The following PCDHAC1 variants were observed in gnomAD, a reference collection of about 807,000 sequenced individuals.
The protein encoded by PCDHAC1 is protocadherin alpha-C1.
Under a neutral mutation model 60.0 loss-of-function variants are expected in PCDHAC1, and 42 were observed. The ratio of observed to expected loss-of-function variants is 0.70; its 90% CI spans 0.55 to 0.90. PCDHAC1 has a LOEUF of 0.90. Among genes scored for constraint, PCDHAC1 ranks in the 40% least tolerant of loss-of-function variants. The pLI is 0.00. For missense variants in PCDHAC1, 1,160 were observed against 1,222.3 expected (o/e 0.95, Z 0.76); for synonymous variants, 468 against 499.3 (o/e 0.94, Z 0.84).
intron 1 of PCDHAC1, chr5:140,967,662 A>G: frequency 6.2e-7 from 1 of 1,614,192 alleles, no homozygotes; most frequent in Non-Finnish European, 8.5e-7. Context: ...TTGAGCAGCT[A>G]CACGTCGGAC....
intron 1 of PCDHAC1, among the ~76,000 whole-genome samples, chr5:140,942,621 A>T (rs1038877515): frequency 1.5e-3 from 44 of 29,368 alleles, no homozygotes; most frequent in African/African-American, 6.9e-3. Flanking sequence ...GCCAATTGTA[A>T]AAAAAAAAAT....
chr5:140,952,041 T>C (rs1202542852), intron 1 of PCDHAC1, among the ~76,000 whole-genome samples: 1 of 152,108 alleles, frequency 6.6e-6, no homozygotes, highest in African/African-American at 2.4e-5. Flanking sequence ...AGTAGGGCAG[T>C]TATTAAATCT....
At chr5:141,003,750 A>T (rs868985181) in intron 3 of PCDHAC1, among the ~76,000 whole-genome samples, 3 of 152,226 alleles carry the variant, frequency 2.0e-5, no homozygotes, top group African/African-American at 7.2e-5. Flanking sequence ...CATATTTTGT[A>T]TAATTATGGT....
At chr5:140,960,065 C>G (rs953730101) in intron 1 of PCDHAC1, among the ~76,000 whole-genome samples, 1 of 152,120 alleles carries the variant, frequency 6.6e-6, no homozygotes, top group Non-Finnish European at 1.5e-5. Flanking sequence ...ACAGAAGATT[C>G]AATTGAAGTT....
intron 1 of PCDHAC1, chr5:140,967,251 C>T: frequency 6.2e-7 from 1 of 1,613,408 alleles, no homozygotes; most frequent in Non-Finnish European, 8.5e-7. Context: ...GAATCGGTGG[C>T]GCCTGGAGCG....
chr5:140,953,279 A>T (rs2153698724), intron 1 of PCDHAC1, among the ~76,000 whole-genome samples: 1 of 152,188 alleles, frequency 6.6e-6, no homozygotes, highest in Non-Finnish European at 1.5e-5. Context: ...TTTGCTCTTT[A>T]TATGTGATTC....
intron 3 of PCDHAC1, among the ~76,000 whole-genome samples, chr5:140,994,539 CA>C (rs35651294): frequency 0.48 from 72,467 of 151,372 alleles, 18,531 homozygotes; most frequent in African/African-American, 0.67. Flanking sequence ...CCCATCTCTA[CA>C]AAAAAAATAT....
At chr5:140,967,086 G>C in intron 1 of PCDHAC1, 3 of 1,613,210 alleles carry the variant, frequency 1.9e-6, no homozygotes, top group Non-Finnish European at 2.5e-6. Context: ...CGCATTGATC[G>C]GGAGGCGCTG....
chr5:140,966,909 T>C, intron 1 of PCDHAC1: 1 of 1,601,466 alleles, frequency 6.2e-7, no homozygotes, highest in Non-Finnish European at 8.5e-7. Context: ...CGATACTCTG[T>C]GCCAGAGGAG....
chr5:141,010,201 C>G lies in PCDHAC1; in HGVS notation c.*264C>G, dbSNP rs782495760. On this transcript the variant is annotated 3_prime_UTR_variant, in exon 4 of 4. Coordinates refer to ENST00000253807, the MANE Select transcript of PCDHAC1 (RefSeq NM_018898.5). ...GCAGACCCAAGTTTCCTTTCTCCTC[C>G]GCCGCAAAGGAGAGGCTTCCCAGCC... 9.0e-6 allele frequency: 14 copies of G among 1,551,916 alleles called. No homozygotes were observed. Among genetic ancestry groups the G allele is most frequent in the Non-Finnish European group, 1.0e-5 (12 of 1,147,084 alleles).
intron 1 of PCDHAC1, among the ~76,000 whole-genome samples, chr5:140,961,560 AT>A (rs1223583703): frequency 1.4e-4 from 22 of 152,140 alleles, no homozygotes; most frequent in African/African-American, 4.6e-4. Flanking sequence ...CTTTTTTTAA[AT>A]TTTGTTTTGA....
chr5:140,988,009 A>C (rs1223658003), intron 3 of PCDHAC1, among the ~76,000 whole-genome samples: 3 of 152,204 alleles, frequency 2.0e-5, no homozygotes, highest in Non-Finnish European at 4.4e-5. Context: ...CCCCAGAAAG[A>C]AAGCATGATT....
chr5:140,948,670 A>G (rs951520840), intron 1 of PCDHAC1, among the ~76,000 whole-genome samples: 1 of 151,654 alleles, frequency 6.6e-6, no homozygotes. Context: ...TAGTGATAAC[A>G]TCTTTTTCAT....
At chr5:140,959,317 A>G (rs1424960169) in intron 1 of PCDHAC1, among the ~76,000 whole-genome samples, 3 of 152,078 alleles carry the variant, frequency 2.0e-5, no homozygotes, top group Non-Finnish European at 4.4e-5. Flanking sequence ...TGAAGCTGCA[A>G]TAAGTTTTGA....
At chr5:141,006,372 C>T (rs781874533) in intron 3 of PCDHAC1, among the ~76,000 whole-genome samples, 10 of 151,926 alleles carry the variant, frequency 6.6e-5, no homozygotes, top group Non-Finnish European at 1.0e-4. Context: ...CCACCACGCC[C>T]GGCTAAGTTT....
At chr5:140,943,083 C>A (rs1444637785) in intron 1 of PCDHAC1, among the ~76,000 whole-genome samples, 1 of 151,532 alleles carries the variant, frequency 6.6e-6, no homozygotes, top group African/African-American at 2.4e-5. Flanking sequence ...ATGGTGAAAT[C>A]CTGCCTCTAC....
chr5:140,981,141 A>G (rs957272254), intron 2 of PCDHAC1, among the ~76,000 whole-genome samples: 2 of 152,242 alleles, frequency 1.3e-5, no homozygotes, highest in African/African-American at 4.8e-5. Flanking sequence ...AAAGAGTGAG[A>G]AAACATTGAA....
chr5:140,931,473 A>G (rs2087545332), intron 1 of PCDHAC1, among the ~76,000 whole-genome samples: 1 of 152,066 alleles, frequency 6.6e-6, no homozygotes, highest in Admixed American at 6.6e-5. Flanking sequence ...TGACAGAGGA[A>G]AAAACAACCC....
intron 1 of PCDHAC1, chr5:140,969,111 G>A (rs1554231464): frequency 4.3e-6 from 7 of 1,614,116 alleles, no homozygotes; most frequent in Non-Finnish European, 5.9e-6. Flanking sequence ...ATTGAAGTTC[G>A]AGGGAATGGC....
Sources: gnomAD v4.1 joint callset for allele counts (sites outside exome capture counted in the v4.1 genomes callset) on GRCh38, gnomAD v4.1.1 for gene constraint, MANE v1.5 for transcripts, NCBI Gene and HGNC (gene_info 2026-07-23, HGNC 2026-07-21) for gene names.